The following CDK14 variants were observed in gnomAD, a reference collection of about 807,000 sequenced individuals.
CDK14 encodes cyclin dependent kinase 14.
CDK14 carries 34 observed loss-of-function variants against 60.7 expected under a neutral mutation model. The ratio of observed to expected loss-of-function variants is 0.56; its 90% CI spans 0.43 to 0.75. The LOEUF (loss-of-function observed/expected upper bound fraction) is 0.75. Ranked by LOEUF, CDK14 falls within the 30% of genes least tolerant of loss-of-function variation. The probability of loss-of-function intolerance (pLI) is 0.00; values close to 1 mark genes in which losing one functional copy is unlikely to be tolerated. For synonymous variants in CDK14, 197 were observed against 203.7 expected (o/e 0.97, Z 0.28); for missense variants, 482 against 564.1 (o/e 0.85, Z 1.47).
At chr7:90,610,467 A>C (rs887919776) in intron 2 of CDK14, among the ~76,000 whole-genome samples, 11 of 151,480 alleles carry the variant, frequency 7.3e-5, no homozygotes, top group Admixed American at 7.2e-4. Flanking sequence ...ACCCTCCTCC[A>C]CCCTTTCTTC....
chr7:90,904,205 A>T (rs1792618193), intron 7 of CDK14, among the ~76,000 whole-genome samples: 1 of 152,126 alleles, frequency 6.6e-6, no homozygotes, highest in African/African-American at 2.4e-5. Flanking sequence ...GCCTCAAGGA[A>T]AAGATTTTAA....
At chr7:90,912,977 CCTT>C (rs1200562845) in intron 7 of CDK14, among the ~76,000 whole-genome samples, 8 of 152,004 alleles carry the variant, frequency 5.3e-5, no homozygotes, top group Admixed American at 2.0e-4. Flanking sequence ...TATTAGTCTC[CCTT>C]CTTTTCTTTT....
intron 6 of CDK14, among the ~76,000 whole-genome samples, chr7:90,895,335 C>CCTCTA: frequency 1.3e-5 from 1 of 79,708 alleles, no homozygotes; most frequent in Non-Finnish European, 2.6e-5. Flanking sequence ...CCTTTCCTCT[C>CCTCTA]CTCTCCTCTC....
intron 6 of CDK14, among the ~76,000 whole-genome samples, chr7:90,885,125 AAAGT>A (rs1562812980): frequency 6.6e-6 from 1 of 152,218 alleles, no homozygotes; most frequent in Admixed American, 6.5e-5. Context: ...ACAGCAAAAG[AAAGT>A]ATCATCAGAG....
intron 14 of CDK14, among the ~76,000 whole-genome samples, chr7:91,130,647 T>G (rs571981979): frequency 6.6e-6 from 1 of 152,282 alleles, no homozygotes; most frequent in South Asian, 2.1e-4. Context: ...ATTTTTCTAG[T>G]GTACAATAGA....
rs1563012137 is a variant in CDK14 at position 90,601,952 on chromosome 7, ATGTATG to A, written c.92-2264_92-2259del. Among the ~76,000 whole-genome samples the A allele has an allele frequency of 3.3e-5, 5 of 151,620 alleles. No individual in the cohort carries two copies. In the East Asian group the frequency reaches 9.7e-4, roughly 29 times the overall value. On this transcript the variant is annotated intron_variant, in intron 1 of 14. Coordinates refer to ENST00000380050, the MANE Select transcript of CDK14 (RefSeq NM_001287135.2). ...TATGTATGTATGTATGTATGTATGT[ATGTATG>A]TATGTATGTATGTATGTGGTATTGT...
At chr7:90,964,392 T>C (rs544280625) in intron 9 of CDK14, among the ~76,000 whole-genome samples, 1 of 152,236 alleles carries the variant, frequency 6.6e-6, no homozygotes, top group Non-Finnish European at 1.5e-5. Flanking sequence ...TCAGCTTCCC[T>C]CTGCCACTTC....
intron 3 of CDK14, among the ~76,000 whole-genome samples, chr7:90,744,781 T>G (rs1356141321): frequency 8.0e-6 from 1 of 125,160 alleles, no homozygotes; most frequent in Non-Finnish European, 1.7e-5. Flanking sequence ...CCCCCCCACC[T>G]CCCTGCCGGA....
intron 3 of CDK14, among the ~76,000 whole-genome samples, chr7:90,729,346 T>TTTTG (rs1418417523): frequency 8.8e-6 from 1 of 113,550 alleles, no homozygotes; most frequent in Non-Finnish European, 1.8e-5. Context: ...GTATCAAGGT[T>TTTTG]TTTTTTTTTT....
Position 91,170,868 on chromosome 7 carries a change from G to T in CDK14, c.*29-36297G>T, listed in dbSNP as rs984011266. On this transcript the variant is annotated intron_variant, in intron 14 of 14. Transcript: ENST00000380050. ...TGCAACCTCCACCTCCCGGGTTCAA[G>T]TGATTCTTCTGCCTCAGCCTCCTAA... Among the ~76,000 whole-genome samples the T allele has an allele frequency of 1.3e-5, 2 of 149,948 alleles. 1 individual carries two copies. Among genetic ancestry groups the T allele is most frequent in the South Asian group, 4.2e-4 (2 of 4,756 alleles).
intron 14 of CDK14, among the ~76,000 whole-genome samples, chr7:91,161,579 T>TA (rs1289042588): frequency 2.0e-5 from 3 of 152,202 alleles, no homozygotes; most frequent in Admixed American, 1.3e-4. Flanking sequence ...GAGTGAAGGT[T>TA]AAAAAATCAT....
intron 4 of CDK14, among the ~76,000 whole-genome samples, chr7:90,778,633 A>G (rs1805153432): frequency 6.6e-6 from 1 of 151,998 alleles, no homozygotes; most frequent in East Asian, 1.9e-4. Context: ...TGTCCTCTCT[A>G]GCTCTTCCAC....
chr7:90,929,956 T>C (rs183146679), intron 8 of CDK14, among the ~76,000 whole-genome samples: 212 of 152,350 alleles, frequency 1.4e-3, no homozygotes, highest in Middle Eastern at 3.4e-3. Context: ...AATATTACTT[T>C]TTATATTAGC....
chr7:91,103,637 A>T (rs1411775142), intron 12 of CDK14, among the ~76,000 whole-genome samples: 1 of 152,126 alleles, frequency 6.6e-6, no homozygotes, highest in Non-Finnish European at 1.5e-5. Context: ...AGATTGGAGG[A>T]TATGTAGCAT....
chr7:91,157,324 A>G (rs1355586546), intron 14 of CDK14, among the ~76,000 whole-genome samples: 1 of 152,206 alleles, frequency 6.6e-6, no homozygotes, highest in Admixed American at 6.5e-5. Context: ...GCTTCTAGTC[A>G]TACTTCAGAT....
intron 14 of CDK14, among the ~76,000 whole-genome samples, chr7:91,187,325 A>T (rs1360299728): frequency 6.6e-6 from 1 of 152,210 alleles, no homozygotes; most frequent in Admixed American, 6.5e-5. Context: ...TATCATGGGG[A>T]CTATGTGGGA....
At chr7:91,157,003 C>T (rs1461294502) in intron 14 of CDK14, among the ~76,000 whole-genome samples, 1 of 152,066 alleles carries the variant, frequency 6.6e-6, no homozygotes, top group Non-Finnish European at 1.5e-5. Context: ...AATTAAATTC[C>T]ATCCTTGTGA....
chr7:91,006,680 T>C (rs906256586), intron 10 of CDK14, among the ~76,000 whole-genome samples: 6 of 152,254 alleles, frequency 3.9e-5, no homozygotes, highest in Non-Finnish European at 1.5e-5. Context: ...CCCTGTCTGG[T>C]AATGTTTATT....
At chr7:90,959,757 G>A (rs1002083559) in intron 9 of CDK14, among the ~76,000 whole-genome samples, 2 of 152,144 alleles carry the variant, frequency 1.3e-5, no homozygotes, top group Admixed American at 1.3e-4. Context: ...GCCGTGTTAC[G>A]ATTTCCTCCT....
Sources: gnomAD v4.1 joint callset for allele counts (sites outside exome capture counted in the v4.1 genomes callset) on GRCh38, gnomAD v4.1.1 for gene constraint, MANE v1.5 for transcripts, NCBI Gene and HGNC (gene_info 2026-07-23, HGNC 2026-07-21) for gene names.